The following TRPM1 variants were observed in gnomAD, a reference collection of about 807,000 sequenced individuals.
TRPM1 encodes the protein TRPM1-203 APA Isoform, Intron 10.
TRPM1 carries 113 observed loss-of-function variants against 149.4 expected under a neutral mutation model. That is an observed-to-expected ratio of 0.76 (90% CI 0.65 to 0.88). The LOEUF (loss-of-function observed/expected upper bound fraction) is 0.88. Among genes scored for constraint, TRPM1 ranks in the 40% least tolerant of loss-of-function variants. TRPM1 has a pLI of 0.00. For synonymous variants in TRPM1, 741 were observed against 759.5 expected (o/e 0.98, Z 0.40); for missense variants, 1,976 against 2,038.7 (o/e 0.97, Z 0.59).
chr15:31,019,235 T>A (rs906143978), intron 27 of TRPM1, among the ~76,000 whole-genome samples: 2 of 152,220 alleles, frequency 1.3e-5, no homozygotes, highest in Non-Finnish European at 2.9e-5. Context: ...AAATTTTACA[T>A]CCAGCTATTT....
chr15:31,069,143 T>C (rs1400280571), intron 4 of TRPM1, among the ~76,000 whole-genome samples: 3 of 152,234 alleles, frequency 2.0e-5, no homozygotes, highest in African/African-American at 7.2e-5. Flanking sequence ...TCCTGTATTT[T>C]ATCTGGCAAT....
intron 1 of TRPM1, among the ~76,000 whole-genome samples, 158 bp from the exon 2 acceptor site, chr15:31,081,596 G>A (rs1187624048): frequency 6.6e-6 from 1 of 151,572 alleles, no homozygotes; most frequent in Non-Finnish European, 1.5e-5. Context: ...CAACCCCTGC[G>A]CTCTGTTCTC....
At chr15:31,100,460 A>C (rs757074542) in intron 1 of TRPM1, among the ~76,000 whole-genome samples, 13 of 152,156 alleles carry the variant, frequency 8.5e-5, no homozygotes, top group Admixed American at 2.6e-4. Flanking sequence ...CATTGTATAC[A>C]TGCACCAAAA....
At chr15:31,088,996 C>G (rs770935537) in intron 1 of TRPM1, among the ~76,000 whole-genome samples, 3 of 152,102 alleles carry the variant, frequency 2.0e-5, no homozygotes, top group Non-Finnish European at 4.4e-5. Context: ...ATGGGCAGTT[C>G]TAGATTTAGG....
At chr15:31,126,063 C>T (rs2035947859) in intron 1 of TRPM1, among the ~76,000 whole-genome samples, 1 of 151,986 alleles carries the variant, frequency 6.6e-6, no homozygotes. Context: ...ACCCGGGAGG[C>T]AGAGATTGCA....
rs752034207 is a variant in TRPM1, at chr15:31,035,719, A to G, written c.2572-45T>C. Reference sequence around the variant, plus strand: ...TTAGCCGTGTTTGGGGGAATCACATAGCAATCAAATTTTGAAACGCTGTTT... The same window carrying G: ...TTAGCCGTGTTTGGGGGAATCACATGGCAATCAAATTTTGAAACGCTGTTT... On this transcript the variant is annotated intron_variant, in intron 20 of 27. Coordinates refer to ENST00000256552, the MANE Select transcript of TRPM1 (RefSeq NM_001252024.2). The G allele has an allele frequency of 9.9e-6, 16 of 1,613,816 alleles. No homozygotes were observed. The Admixed American group carries it at 2.3e-4, about 24-fold the overall frequency.
chr15:31,022,168 C>A (rs910548282), intron 27 of TRPM1, among the ~76,000 whole-genome samples: 3 of 152,154 alleles, frequency 2.0e-5, no homozygotes, highest in Non-Finnish European at 4.4e-5. Context: ...AACCTGTGAA[C>A]CTGTGATAAG....
chr15:31,079,601 C>T (rs2034804470), intron 2 of TRPM1, among the ~76,000 whole-genome samples: 1 of 152,230 alleles, frequency 6.6e-6, no homozygotes, highest in Non-Finnish European at 1.5e-5. Context: ...TGCCGTAGCC[C>T]ATTCATTAGC....
At chr15:31,041,341 G>A (rs1405873672) in intron 17 of TRPM1, among the ~76,000 whole-genome samples, 2 of 152,028 alleles carry the variant, frequency 1.3e-5, no homozygotes, top group South Asian at 2.1e-4. Flanking sequence ...TAGTAGAGAC[G>A]GGGTTTCACC....
At chr15:31,068,196 G>T (rs2034436622) in intron 4 of TRPM1, 104 bp from the exon 5 acceptor site, 3 of 1,051,008 alleles carry the variant, frequency 2.9e-6, no homozygotes, top group Admixed American at 1.8e-5. Context: ...TGCCTGGCTT[G>T]TCTCTTCCTC....
Position 31,032,956 on chromosome 15 carries a change from A to G in TRPM1, c.2701-16T>C, listed in dbSNP as rs757807619. The G allele has an allele frequency of 1.2e-6, 2 of 1,614,006 alleles. No individual in the cohort carries two copies. Among genetic ancestry groups the G allele is most frequent in the South Asian group, 2.2e-5 (2 of 91,082 alleles). ...ACATGAGGATCTGAAAACAAACCCC[A>G]AAGAACAATAAACTGAGATGCCGTA... On this transcript the variant is annotated splice_polypyrimidine_tract_variant and intron_variant, in intron 21 of 27. Coordinates refer to ENST00000256552, the MANE Select transcript of TRPM1 (RefSeq NM_001252024.2).
At chr15:31,018,547 G>A (rs1020058184) in intron 27 of TRPM1, among the ~76,000 whole-genome samples, 2 of 149,606 alleles carry the variant, frequency 1.3e-5, no homozygotes, top group Admixed American at 6.6e-5. Flanking sequence ...CTAATTTTTT[G>A]TATTTAGTAG....
intron 7 of TRPM1, 89 bp downstream of exon 7, chr15:31,065,987 T>A: frequency 1.3e-6 from 2 of 1,482,904 alleles, no homozygotes; most frequent in South Asian, 1.3e-5. Flanking sequence ...AATCTTCTAA[T>A]CCCCTTGGGC....
chr15:31,070,694 A>C (rs910378043), intron 3 of TRPM1, among the ~76,000 whole-genome samples: 1 of 152,062 alleles, frequency 6.6e-6, no homozygotes, highest in African/African-American at 2.4e-5. Flanking sequence ...AACTGGGACC[A>C]CAGGCACACA....
Position 31,042,048 on chromosome 15 carries a change from C to T in TRPM1, c.1990G>A (p.Ala664Thr). The change falls in exon 17 of 28, where the codon GCC becomes ACC. Residue 664 changes from alanine (A) to threonine (T), a missense_variant. Ala to Thr is a moderately conservative substitution (Grantham distance 58). Coordinates refer to ENST00000256552, the MANE Select transcript of TRPM1 (RefSeq NM_001252024.2). Reference sequence around the variant, plus strand: ...TTGTAGAGCTTGCAGGCCACCAGGGCCTTGGCCATGCTCTCTTCCCCTCGC... The same window carrying T: ...TTGTAGAGCTTGCAGGCCACCAGGGTCTTGGCCATGCTCTCTTCCCCTCGC... The part of the protein sequence containing the change: ...WQRGEESMAK[A>T]LVACKLYKAM... 3 of 1,614,132 alleles carry T rather than the reference C, an allele frequency of 1.9e-6. No individual in the cohort carries two copies. Among genetic ancestry groups the T allele is most frequent in the Non-Finnish European group, 2.5e-6 (3 of 1,179,984 alleles).
intron 11 of TRPM1, among the ~76,000 whole-genome samples, chr15:31,053,517 C>G (rs2034004719): frequency 6.6e-6 from 1 of 151,922 alleles, no homozygotes; most frequent in Non-Finnish European, 1.5e-5. Flanking sequence ...CCTGCCTTGG[C>G]CTCCCAAAGT....
At chr15:31,120,738 A>AG (rs1248242433) in intron 1 of TRPM1, among the ~76,000 whole-genome samples, 1 of 151,836 alleles carries the variant, frequency 6.6e-6, no homozygotes, top group African/African-American at 2.4e-5. Flanking sequence ...AAAAAAAAAA[A>AG]TTACTGAAAG....
chr15:31,029,467 G>T, intron 23 of TRPM1, 76 bp from the exon 24 acceptor site: 1 of 1,453,386 alleles, frequency 6.9e-7, no homozygotes, highest in South Asian at 1.2e-5. Context: ...ATAAGATGAT[G>T]GTTGAGAGAA....
intron 18 of TRPM1, 30 bp from the exon 19 acceptor site, chr15:31,038,196 G>A: frequency 6.2e-7 from 1 of 1,612,450 alleles, no homozygotes; most frequent in Non-Finnish European, 8.5e-7. Context: ...TTTTTAAGCT[G>A]TGGCAATTCT....
Sources: allele counts gnomAD v4.1 joint callset (sites outside exome capture counted in the v4.1 genomes callset), GRCh38; gene constraint gnomAD v4.1.1; transcripts MANE v1.5; gene names NCBI Gene and HGNC (gene_info 2026-07-23, HGNC 2026-07-21).